The following KAZN variants were observed in gnomAD, a reference collection of about 807,000 sequenced individuals.
KAZN encodes kazrin, periplakin interacting protein, also known as kazrin.
A neutral mutation model predicts 87.4 loss-of-function variants in KAZN; 40 were observed. The observed-to-expected ratio is 0.46, with a 90% CI of 0.36 to 0.60. KAZN has a LOEUF of 0.60. Ranked by LOEUF, KAZN falls within the 20% of genes least tolerant of loss-of-function variation. The pLI is 0.00. For missense variants in KAZN, 898 were observed against 1,073.9 expected (o/e 0.84, Z 2.29); for synonymous variants, 466 against 458.3 (o/e 1.02, Z -0.22).
At chr1:14,793,143 T>C (rs6684855) in intron 1 of KAZN, among the ~76,000 whole-genome samples, 10,330 of 152,034 alleles carry the variant, frequency 0.068, 464 homozygotes, top group African/African-American at 0.12. Context: ...TTCGGTGGCA[T>C]GGAGGAGGCA....
chr1:14,727,720 C>G (rs1445102715), intron 1 of KAZN, among the ~76,000 whole-genome samples: 1 of 151,634 alleles, frequency 6.6e-6, no homozygotes, highest in Non-Finnish European at 1.5e-5. Context: ...CCCACCACGG[C>G]CTCCCTAAGT....
chr1:14,868,197 C>T (rs548847569), intron 1 of KAZN, among the ~76,000 whole-genome samples: 4 of 152,318 alleles, frequency 2.6e-5, no homozygotes, highest in Admixed American at 2.0e-4. Context: ...AAATAGCACG[C>T]ATCACATACG....
In KAZN at chr1:14,856,864, C is replaced by T. The variant is rs1433797088; in HGVS notation, c.227-103820C>T. Among the ~76,000 whole-genome samples, 4 of 152,238 alleles carry T rather than the reference C, an allele frequency of 2.6e-5. No homozygotes were observed. The South Asian group carries it at 6.2e-4, about 24-fold the overall frequency. ...TCTGTTGTCATCCTTTGATGCTTCT[C>T]CTTGGGAGGTGTGTGAATTGGAGTT... On this transcript the variant is annotated intron_variant, in intron 1 of 14. Coordinates refer to ENST00000376030, the MANE Select transcript of KAZN (RefSeq NM_201628.3). The surrounding 1 kb of genome is among the most constrained non-coding windows in gnomAD (Gnocchi z 5.2).
chr1:13,912,978 C>T (rs1334632303), intron 1 of KAZN, among the ~76,000 whole-genome samples: 1 of 152,154 alleles, frequency 6.6e-6, no homozygotes, highest in Admixed American at 6.6e-5. Flanking sequence ...TGGGCGGGGA[C>T]CAGGAGCTGC....
chr1:14,776,204 G>A (rs1226045656), intron 1 of KAZN, among the ~76,000 whole-genome samples: 3 of 152,034 alleles, frequency 2.0e-5, no homozygotes, highest in South Asian at 4.2e-4. Context: ...GGGTTTCACC[G>A]TGTTGGCCAG....
chr1:14,947,683 A>ACCAGCCCC (rs58281986), intron 1 of KAZN, among the ~76,000 whole-genome samples: 82,541 of 151,430 alleles, frequency 0.55, 24,179 homozygotes, highest in African/African-American at 0.77. Context: ...CCTTGAACAA[A>ACCAGCCCC]CCTGTTGAAG....
intron 1 of KAZN, among the ~76,000 whole-genome samples, chr1:14,891,438 C>T (rs1004545756): frequency 2.0e-5 from 3 of 152,152 alleles, no homozygotes; most frequent in Non-Finnish European, 2.9e-5. Context: ...AGTTACTTCA[C>T]TTAGAATAAT....
At chr1:14,692,266 T>C in intron 1 of KAZN, 1 of 699,408 alleles carries the variant, frequency 1.4e-6, no homozygotes, top group Non-Finnish European at 2.1e-6. Context: ...TCTGGGATCA[T>C]CATCTGGGAT....
intron 1 of KAZN, among the ~76,000 whole-genome samples, chr1:14,122,517 A>C (rs1377486240): frequency 6.6e-6 from 1 of 152,202 alleles, no homozygotes; most frequent in Non-Finnish European, 1.5e-5. Flanking sequence ...GTAACTAGGG[A>C]AACTGAGATT....
Position 14,620,380 on chromosome 1 carries a change from C to T in KAZN, c.226+21157C>T, listed in dbSNP as rs1678598877. Among the ~76,000 whole-genome samples, 3 of 152,204 alleles carry T rather than the reference C, an allele frequency of 2.0e-5. No individual in the cohort carries two copies. The South Asian group carries it at 6.2e-4, about 32-fold the overall frequency. ...AGCAATGCCTAGCACATCAGAAACA[C>T]CCAGAGAAACTGCTTGTGATCATTC... On this transcript the variant is annotated intron_variant, in intron 1 of 14. Transcript: ENST00000376030.
rs1307400289 is a variant in KAZN, at chr1:14,736,301, ATATT to A, written c.226+137080_226+137083del. Among the ~76,000 whole-genome samples, 191 of 101,010 alleles carry A rather than the reference ATATT, an allele frequency of 1.9e-3. 2 individuals carry two copies. The highest frequency in any genetic ancestry group is 8.4e-3 in the African/African-American group (186 of 22,206). The allele number at this position is 101,010 out of a possible 152,430, so 66.3% of individuals were successfully genotyped here. A position where few individuals can be genotyped will look rare whatever the true frequency, so the allele number is the denominator to read the frequency against. ...TGTGTGTGTGTGTGTGTGTGTGTGT[ATATT>A]TTTTTTTTTTGAGACGGAGTTTTGC... On this transcript the variant is annotated intron_variant, in intron 1 of 14. Coordinates refer to ENST00000376030, the MANE Select transcript of KAZN (RefSeq NM_201628.3).
chr1:14,117,276 G>T (rs1644644553), intron 1 of KAZN, among the ~76,000 whole-genome samples: 1 of 152,132 alleles, frequency 6.6e-6, no homozygotes, highest in Non-Finnish European at 1.5e-5. Flanking sequence ...GGAAGGATCT[G>T]GTGGGAGGTA....
intron 2 of KAZN, among the ~76,000 whole-genome samples, chr1:14,337,837 T>G (rs1176140258): frequency 6.8e-6 from 1 of 146,800 alleles, no homozygotes; most frequent in South Asian, 2.1e-4. Context: ...GAGGTTATGA[T>G]GAGCCAAGAT....
At chr1:14,723,626 A>G (rs540670639) in intron 1 of KAZN, among the ~76,000 whole-genome samples, 1 of 152,352 alleles carries the variant, frequency 6.6e-6, no homozygotes, top group Admixed American at 6.5e-5. Flanking sequence ...TGCCGGGCTC[A>G]GCATCCATTT....
intron 2 of KAZN, among the ~76,000 whole-genome samples, chr1:14,240,528 A>G (rs1648843847): frequency 6.6e-6 from 1 of 152,208 alleles, no homozygotes. Context: ...GATGATGACA[A>G]CAGCCAGGCC....
At position 14,342,823 on chromosome 1, in the gene KAZN, T is replaced by A. The variant is rs571636666; in HGVS notation, c.249+162231T>A. On this transcript the variant is annotated intron_variant, in intron 2 of 16. Transcript: ENST00000636203. Reference sequence around the variant, plus strand: ...CACTTGTCCTTATCGGATGAGGTTTTTTATAAGCTTGTGTCCATTAAACTC... The same window carrying A: ...CACTTGTCCTTATCGGATGAGGTTTATTATAAGCTTGTGTCCATTAAACTC... Among the ~76,000 whole-genome samples, 12 of 152,254 alleles carry A rather than the reference T, an allele frequency of 7.9e-5. No individual in the cohort carries two copies. In the East Asian group the frequency reaches 2.3e-3, roughly 29 times the overall value.
chr1:14,374,833 C>A (rs1451584366), intron 2 of KAZN, among the ~76,000 whole-genome samples: 7 of 152,344 alleles, frequency 4.6e-5, no homozygotes, highest in Admixed American at 3.3e-4. Flanking sequence ...AACAGGCAGA[C>A]ATAGCCTGAA....
chr1:14,516,786 C>T (rs932207887), intron 2 of KAZN, among the ~76,000 whole-genome samples: 3 of 152,122 alleles, frequency 2.0e-5, no homozygotes, highest in Admixed American at 1.3e-4. Flanking sequence ...TTTTCCCATC[C>T]ACAGCTCCAT....
intron 2 of KAZN, among the ~76,000 whole-genome samples, chr1:14,318,609 T>A (rs549390224): frequency 2.5e-4 from 38 of 152,250 alleles, no homozygotes; most frequent in African/African-American, 8.9e-4. Flanking sequence ...ATTTGGAGAA[T>A]TTTTAGCTCT....
Sources: gnomAD v4.1 joint callset for allele counts (sites outside exome capture counted in the v4.1 genomes callset) on GRCh38, gnomAD v4.1.1 for gene constraint, Gnocchi (gnomAD v3.1) non-coding constraint, MANE v1.5 for transcripts, NCBI Gene and HGNC (gene_info 2026-07-23, HGNC 2026-07-21) for gene names.